Variants in CSMD1 observed in about 807,000 individuals in gnomAD.
CSMD1 encodes CUB and sushi domain-containing protein 1.
In CSMD1, 213 loss-of-function variants were observed where a neutral mutation model predicts 417.5. The ratio of observed to expected loss-of-function variants is 0.51; its 90% CI spans 0.46 to 0.57. The LOEUF (loss-of-function observed/expected upper bound fraction) is 0.57. CSMD1 is among the 20% of genes least tolerant of loss of function. The pLI is 0.00. For synonymous variants in CSMD1, 2,862 were observed against 1,736.8 expected (o/e 1.65, Z -16.11); for missense variants, 6,923 against 4,529.7 (o/e 1.53, Z -15.17).
intron 6 of CSMD1, among the ~76,000 whole-genome samples, chr8:3,748,954 T>C (rs1206878305): frequency 6.6e-6 from 1 of 152,218 alleles, no homozygotes; most frequent in African/African-American, 2.4e-5. Flanking sequence ...CTTACTTTCA[T>C]GATGATTTAT....
At chr8:3,278,227 C>T (rs1389019819) in intron 26 of CSMD1, 1 of 152,100 alleles carries the variant, frequency 6.6e-6, no homozygotes, top group Non-Finnish European at 1.5e-5. Context: ...TAAAAAGCTC[C>T]AATGTAACAT....
At chr8:3,710,592 TC>T (rs755702741) in intron 6 of CSMD1, among the ~76,000 whole-genome samples, 3 of 152,118 alleles carry the variant, frequency 2.0e-5, no homozygotes, top group Non-Finnish European at 2.9e-5. Context: ...TCCTCTCTGG[TC>T]TTCCTGTGCT....
chr8:4,627,995 TA>T lies in CSMD1; in HGVS notation c.302+9346del, dbSNP rs34957840. Among the ~76,000 whole-genome samples the T allele has an allele frequency of 2.3e-3, 351 of 150,620 alleles. 5 individuals carry two copies. Among genetic ancestry groups the T allele is most frequent in the African/African-American group, 7.1e-3 (293 of 41,026 alleles). On this transcript the variant is annotated intron_variant, in intron 2 of 69. Transcript: ENST00000635120. ...GCAACTATCTCCCCACTGTGACAAT[TA>T]AAAAAAAATGTCTCTAGATACTGCC...
intron 1 of CSMD1, among the ~76,000 whole-genome samples, chr8:4,836,266 G>A (rs557735748): frequency 6.6e-6 from 1 of 152,276 alleles, no homozygotes; most frequent in Admixed American, 6.5e-5. Context: ...ATTATAACGT[G>A]AAGACTAATT....
intron 1 of CSMD1, among the ~76,000 whole-genome samples, chr8:4,923,180 C>A (rs1330118254): frequency 1.3e-5 from 2 of 152,080 alleles, no homozygotes; most frequent in African/African-American, 4.8e-5. Context: ...TTTTAGATGA[C>A]CACTGTCATT....
At chr8:4,951,197 C>A (rs1808722411) in intron 1 of CSMD1, among the ~76,000 whole-genome samples, 1 of 152,108 alleles carries the variant, frequency 6.6e-6, no homozygotes, top group South Asian at 2.1e-4. Flanking sequence ...TGGTAGCCTG[C>A]AACATTCCAT....
At chr8:3,435,425 G>A (rs965796731) in intron 12 of CSMD1, among the ~76,000 whole-genome samples, 4 of 152,052 alleles carry the variant, frequency 2.6e-5, no homozygotes, top group Non-Finnish European at 5.9e-5. Flanking sequence ...AACATCACCT[G>A]TGGATGCCTA....
At chr8:4,769,779 G>C (rs1456487501) in intron 1 of CSMD1, among the ~76,000 whole-genome samples, 1 of 152,098 alleles carries the variant, frequency 6.6e-6, no homozygotes, top group African/African-American at 2.4e-5. Context: ...CTTTTACAAT[G>C]TGAATTGCCA....
chr8:4,390,456 C>G (rs1215789992), intron 3 of CSMD1, among the ~76,000 whole-genome samples: 1 of 150,804 alleles, frequency 6.6e-6, no homozygotes, highest in African/African-American at 2.4e-5. Flanking sequence ...TGTTTTATCA[C>G]CAACATAGTT....
At chr8:3,250,608 G>C (rs977527864) in intron 26 of CSMD1, among the ~76,000 whole-genome samples, 9 of 152,196 alleles carry the variant, frequency 5.9e-5, no homozygotes, top group Non-Finnish European at 1.0e-4. Flanking sequence ...GGTATTTCTA[G>C]TTCTAGGTCC....
At chr8:4,418,717 T>C (rs908091222) in intron 3 of CSMD1, among the ~76,000 whole-genome samples, 2 of 152,190 alleles carry the variant, frequency 1.3e-5, no homozygotes, top group East Asian at 1.9e-4. Context: ...TCATCAATGA[T>C]ACAATCAAAA....
At chr8:3,027,892 T>G (rs1324288069) in intron 51 of CSMD1, among the ~76,000 whole-genome samples, 2 of 152,238 alleles carry the variant, frequency 1.3e-5, no homozygotes, top group Non-Finnish European at 2.9e-5. Flanking sequence ...ATGAGTTTAG[T>G]TCAGGAATGA....
intron 41 of CSMD1, among the ~76,000 whole-genome samples, chr8:3,138,949 A>C (rs569949609): frequency 6.6e-6 from 1 of 152,314 alleles, no homozygotes; most frequent in South Asian, 2.1e-4. Flanking sequence ...CTGGAAAGAC[A>C]TTTAGGAGTT....
chr8:4,328,672 T>TC (rs1217657979), intron 3 of CSMD1, among the ~76,000 whole-genome samples: 3 of 152,188 alleles, frequency 2.0e-5, no homozygotes, highest in African/African-American at 7.2e-5. Context: ...GAAAGGCATG[T>TC]CTACATATTC....
At chr8:4,366,251 A>C (rs55941740) in intron 3 of CSMD1, among the ~76,000 whole-genome samples, 1 of 101,732 alleles carries the variant, frequency 9.8e-6, no homozygotes, top group African/African-American at 4.8e-5. Flanking sequence ...AAAAGACGTG[A>C]TTCTTTTTTT....
At chr8:3,786,850 C>G (rs1015242989) in intron 5 of CSMD1, among the ~76,000 whole-genome samples, 1 of 152,086 alleles carries the variant, frequency 6.6e-6, no homozygotes, top group East Asian at 1.9e-4. Flanking sequence ...TATAAAGGCA[C>G]TAATCACATT....
chr8:3,509,249 G>C (rs1796962279), intron 10 of CSMD1, among the ~76,000 whole-genome samples: 1 of 152,186 alleles, frequency 6.6e-6, no homozygotes. Flanking sequence ...CAAACACAGA[G>C]ATGAAAGGAG....
chr8:3,574,747 G>C (rs548565101), intron 10 of CSMD1, among the ~76,000 whole-genome samples, 198 bp downstream of exon 10: 5 of 152,222 alleles, frequency 3.3e-5, no homozygotes, highest in Non-Finnish European at 7.3e-5. Context: ...GCACCACAGT[G>C]AGAATACTCA....
intron 37 of CSMD1, among the ~76,000 whole-genome samples, chr8:3,173,998 C>T (rs1820745627): frequency 6.6e-6 from 1 of 152,134 alleles, no homozygotes; most frequent in Non-Finnish European, 1.5e-5. Context: ...TAGATACTTC[C>T]TTCTAAGTAC....
Sources: allele counts gnomAD v4.1 joint callset (sites outside exome capture counted in the v4.1 genomes callset), GRCh38; gene constraint gnomAD v4.1.1; transcripts MANE v1.5; gene names NCBI Gene and HGNC (gene_info 2026-07-23, HGNC 2026-07-21).